STAT4: variants seen among roughly 807,000 people sequenced by gnomAD.
STAT4 encodes the protein signal transducer and activator of transcription 4.
A neutral mutation model predicts 110.5 loss-of-function variants in STAT4; 42 were observed. That is an observed-to-expected ratio of 0.38 (90% CI 0.30 to 0.49). The LOEUF is 0.49. Among genes scored for constraint, STAT4 ranks in the 20% least tolerant of loss-of-function variants. The pLI is 0.95. For missense variants in STAT4, 632 were observed against 887.9 expected (o/e 0.71, Z 3.66); for synonymous variants, 284 against 302.2 (o/e 0.94, Z 0.63).
At chr2:191,052,326 A>C (rs368039208) in intron 14 of STAT4, among the ~76,000 whole-genome samples, 11 of 152,366 alleles carry the variant, frequency 7.2e-5, no homozygotes, top group African/African-American at 2.6e-4. Context: ...CCTAGGAGTC[A>C]TACTAAAATT....
At position 191,138,261 on chromosome 2, in the gene STAT4, A is replaced by G. The variant is rs955467097; in HGVS notation, c.273+8352T>C. 2.0e-5 allele frequency among the ~76,000 whole-genome samples: 3 copies of G among 152,172 alleles called. No individual in the cohort carries two copies. Among genetic ancestry groups the G allele is most frequent in the African/African-American group, 7.2e-5 (3 of 41,456 alleles). On this transcript the variant is annotated intron_variant, in intron 3 of 23. Coordinates refer to ENST00000392320, the MANE Select transcript of STAT4 (RefSeq NM_003151.4). This position sits in a 1 kb window ranked among gnomAD's most constrained non-coding sequence, Gnocchi z 4.3. ...CCCAGCATAACACAAGAAATAACAA[A>G]GATCAGAGAACTAAATAAAATCAAA...
At chr2:191,047,520 C>T (rs1696383319) in intron 14 of STAT4, among the ~76,000 whole-genome samples, 1 of 152,182 alleles carries the variant, frequency 6.6e-6, no homozygotes, top group Non-Finnish European at 1.5e-5. Flanking sequence ...CAGTTTGTGT[C>T]TGCTGGAGAA....
chr2:191,116,609 C>T lies in STAT4; in HGVS notation c.273+30004G>A, dbSNP rs1357363907. ...TTTGGGAACAGTCCATCCCACTTAACTTTCTCGGTTAAAGCAGGACACCAC... is the reference window on the plus strand; with the variant it reads ...TTTGGGAACAGTCCATCCCACTTAATTTTCTCGGTTAAAGCAGGACACCAC... On this transcript the variant is annotated intron_variant, in intron 3 of 23. Transcript: ENST00000392320. This position sits in a 1 kb window ranked among gnomAD's most constrained non-coding sequence, Gnocchi z 4.1. Among the ~76,000 whole-genome samples, 1 of 152,136 alleles carries T rather than the reference C, an allele frequency of 6.6e-6. No individual in the cohort carries two copies. Among genetic ancestry groups the T allele is most frequent in the Non-Finnish European group, 1.5e-5 (1 of 68,020 alleles).
chr2:191,055,464 C>A (rs1696660366), intron 13 of STAT4, among the ~76,000 whole-genome samples: 1 of 150,340 alleles, frequency 6.7e-6, no homozygotes, highest in Admixed American at 6.7e-5. Context: ...CGTGATCCAC[C>A]CGCCTCGGCC....
intron 3 of STAT4, among the ~76,000 whole-genome samples, chr2:191,080,165 G>A (rs1363957295): frequency 6.6e-6 from 1 of 151,820 alleles, no homozygotes; most frequent in Non-Finnish European, 1.5e-5. Context: ...TTTTTGCCTT[G>A]AAACAAAAAT....
intron 13 of STAT4, among the ~76,000 whole-genome samples, chr2:191,057,301 T>C (rs1696725240): frequency 6.6e-6 from 1 of 152,228 alleles, no homozygotes; most frequent in African/African-American, 2.4e-5. Context: ...TCATTTAACA[T>C]AATGACCTCC....
chr2:191,054,203 A>C (rs1696609256), intron 14 of STAT4, among the ~76,000 whole-genome samples: 1 of 133,322 alleles, frequency 7.5e-6, no homozygotes, highest in Admixed American at 7.3e-5. Context: ...AATGAGTATC[A>C]TATATTTTTA....
Position 191,140,484 on chromosome 2 carries a change from T to G in STAT4, c.273+6129A>C, listed in dbSNP as rs906945905. Among the ~76,000 whole-genome samples, 7 of 152,030 alleles carry G rather than the reference T, an allele frequency of 4.6e-5. No homozygotes were observed. Among genetic ancestry groups the G allele is most frequent in the African/African-American group, 1.7e-4 (7 of 41,416 alleles). On this transcript the variant is annotated intron_variant, in intron 3 of 23. Coordinates refer to ENST00000392320, the MANE Select transcript of STAT4 (RefSeq NM_003151.4). The surrounding 1 kb of genome is among the most constrained non-coding windows in gnomAD (Gnocchi z 4.4). ...AGAAGATATACAGTCAACAAACATG[T>G]AAAAATGCTCAACATCACTAATTGT...
In STAT4 at chr2:191,046,838, G is replaced by A. The variant is rs1255987683; in HGVS notation, c.1252-5690C>T. Among the ~76,000 whole-genome samples the A allele has an allele frequency of 6.6e-6, 1 of 152,032 alleles. No individual in the cohort carries two copies. The highest frequency in any genetic ancestry group is 2.4e-5 in the African/African-American group (1 of 41,378). On this transcript the variant is annotated intron_variant, in intron 14 of 23. Transcript: ENST00000392320. This position sits in a 1 kb window ranked among gnomAD's most constrained non-coding sequence, Gnocchi z 4.6. ...CTAAGACCTTTGTAATTTCCTTAGT[G>A]ATAGGATTGTCTGACACAGAGCTCC... is the stretch of plus-strand genomic sequence containing the variant.
chr2:191,070,395 T>G (rs893045968), intron 5 of STAT4, among the ~76,000 whole-genome samples: 1 of 152,238 alleles, frequency 6.6e-6, no homozygotes, highest in Admixed American at 6.5e-5. Flanking sequence ...ACAACACCCA[T>G]GAAGTGGGTT....
At position 191,110,250 on chromosome 2, in the gene STAT4, A is replaced by G. The variant is rs1698389188; in HGVS notation, c.274-33925T>C. 6.6e-6 allele frequency among the ~76,000 whole-genome samples: 1 copy of G among 152,218 alleles called. No individual in the cohort carries two copies. ...AAGGTCTTCTTCAGGCCTTTATTCA[A>G]CAATATTCAGGTTTCAGCTATGTGT... is the stretch of plus-strand genomic sequence containing the variant. On this transcript the variant is annotated intron_variant, in intron 3 of 23. Transcript: ENST00000392320. The surrounding 1 kb of genome is among the most constrained non-coding windows in gnomAD (Gnocchi z 4.5).
chr2:191,036,940 A>G (rs1696062719), intron 16 of STAT4, among the ~76,000 whole-genome samples: 1 of 152,196 alleles, frequency 6.6e-6, no homozygotes, highest in Non-Finnish European at 1.5e-5. Flanking sequence ...CTTAAGACTG[A>G]TGTGGTCTTT....
chr2:191,061,923 T>G lies in STAT4; in HGVS notation c.942-102A>C. 9.9e-7 allele frequency: 1 copy of G among 1,011,860 alleles called. No individual in the cohort carries two copies. Among genetic ancestry groups the G allele is most frequent in the South Asian group, 1.4e-5 (1 of 73,028 alleles). 62.7% of individuals were successfully genotyped at this position (1,011,860 alleles called of 1,614,324 possible). A position where few individuals can be genotyped will look rare whatever the true frequency, so the allele number is the denominator to read the frequency against. On this transcript the variant is annotated intron_variant, in intron 9 of 23. Coordinates refer to ENST00000392320, the MANE Select transcript of STAT4 (RefSeq NM_003151.4). The surrounding 1 kb of genome is among the most constrained non-coding windows in gnomAD (Gnocchi z 6.2). ...TGCTATCCACTCAAAGTCCAAATTT[T>G]CTACACTTAGAAGATATTCAAACCC... is the stretch of plus-strand genomic sequence containing the variant.
Position 191,146,927 on chromosome 2 carries a change from G to C in STAT4, c.129-170C>G. Among the ~76,000 whole-genome samples the C allele has an allele frequency of 6.6e-6, 1 of 151,972 alleles. No individual in the cohort carries two copies. Among genetic ancestry groups the C allele is most frequent in the South Asian group, 2.1e-4 (1 of 4,810 alleles). On this transcript the variant is annotated intron_variant, in intron 2 of 23. Transcript: ENST00000392320. This position sits in a 1 kb window ranked among gnomAD's most constrained non-coding sequence, Gnocchi z 4.5. Reference sequence around the variant, plus strand: ...GATGCTCAACATCACTAATCATTAGGGAATTTCAAGTGAAAATCAGAGTAA... The same window carrying C: ...GATGCTCAACATCACTAATCATTAGCGAATTTCAAGTGAAAATCAGAGTAA...
chr2:191,032,794 G>C lies in STAT4; in HGVS notation c.2044+164C>G, dbSNP rs560582878. On this transcript the variant is annotated intron_variant, in intron 21 of 23. Coordinates refer to ENST00000392320, the MANE Select transcript of STAT4 (RefSeq NM_003151.4). This position sits in a 1 kb window ranked among gnomAD's most constrained non-coding sequence, Gnocchi z 4.9. ...GCCCAGCGGTCCCTTTTCAGGAACT[G>C]CTGACATACCACTTCATTTCTAAGG... 11 of 690,600 alleles carry C rather than the reference G, an allele frequency of 1.6e-5. No individual in the cohort carries two copies. Among genetic ancestry groups the C allele is most frequent in the Non-Finnish European group, 4.7e-6 (2 of 429,746 alleles). 42.8% of individuals were successfully genotyped at this position (690,600 alleles called of 1,614,324 possible).
chr2:191,120,273 A>G (rs905675454), intron 3 of STAT4, among the ~76,000 whole-genome samples: 4 of 152,244 alleles, frequency 2.6e-5, no homozygotes, highest in Non-Finnish European at 5.9e-5. Flanking sequence ...ACAGTGCAGA[A>G]GACATTAGCA....
intron 3 of STAT4, among the ~76,000 whole-genome samples, chr2:191,108,657 A>G: frequency 6.6e-6 from 1 of 152,192 alleles, no homozygotes; most frequent in East Asian, 1.9e-4. Context: ...AGAAAAGGAA[A>G]CCTTTTGGTC....
Position 191,050,590 on chromosome 2 carries a change from GT to G in STAT4, c.1251+3899del, listed in dbSNP as rs113196680. ...ATTGTCTAGTCCAATGAGTCCAAAT[GT>G]TTTTTTTTTTTGACCTTGGTACATA... On this transcript the variant is annotated intron_variant, in intron 14 of 23. Transcript: ENST00000392320. The surrounding 1 kb of genome is among the most constrained non-coding windows in gnomAD (Gnocchi z 4.3). Among the ~76,000 whole-genome samples the G allele has an allele frequency of 1.9e-3, 269 of 143,538 alleles. 1 individual carries two copies. Among genetic ancestry groups the G allele is most frequent in the African/African-American group, 3.9e-3 (155 of 39,418 alleles). The allele number at this position is 143,538 out of a possible 152,430, so 94.2% of individuals were successfully genotyped here.
chr2:191,139,026 GA>G (rs1358783555), intron 3 of STAT4, among the ~76,000 whole-genome samples: 2 of 151,988 alleles, frequency 1.3e-5, no homozygotes, highest in Non-Finnish European at 2.9e-5. Context: ...AATAGGTGCA[GA>G]AAAAGTCTTT....
Sources: allele counts gnomAD v4.1 joint callset (sites outside exome capture counted in the v4.1 genomes callset), GRCh38; gene constraint gnomAD v4.1.1; non-coding constraint Gnocchi (gnomAD v3.1); transcripts MANE v1.5; gene names NCBI Gene and HGNC (gene_info 2026-07-23, HGNC 2026-07-21).